Variants in TRIM22 observed in about 807,000 individuals in gnomAD.
The protein encoded by TRIM22 is tripartite motif containing 22, also known as E3 ubiquitin-protein ligase TRIM22.
Under a neutral mutation model 53.6 loss-of-function variants are expected in TRIM22, and 45 were observed. The observed-to-expected ratio is 0.84, with a 90% CI of 0.66 to 1.08. The LOEUF (loss-of-function observed/expected upper bound fraction) is 1.08, where lower values mean the gene tolerates loss of function less well. TRIM22 is among the 50% of genes least tolerant of loss of function. TRIM22 has a pLI of 0.00. For synonymous variants in TRIM22, 225 were observed against 216.6 expected (o/e 1.04, Z -0.34); for missense variants, 616 against 590.9 (o/e 1.04, Z -0.44).
At chr11:5,700,584 CT>C (rs756680023) in intron 4 of TRIM22, among the ~76,000 whole-genome samples, 538 of 29,922 alleles carry the variant, frequency 0.018, 3 homozygotes, top group African/African-American at 0.056. Context: ...CTATAGGAGT[CT>C]TTTTTTTTTT....
At chr11:5,700,478 C>G (rs540988350) in intron 4 of TRIM22, among the ~76,000 whole-genome samples, 10 of 150,608 alleles carry the variant, frequency 6.6e-5, no homozygotes, top group African/African-American at 2.2e-4. Flanking sequence ...ACTTCTAGTA[C>G]AATGTTCAAC....
At chr11:5,695,811 G>A (rs754123704) in intron 1 of TRIM22, among the ~76,000 whole-genome samples, 2 of 152,178 alleles carry the variant, frequency 1.3e-5, no homozygotes, top group Non-Finnish European at 2.9e-5. Context: ...AGGGGCAGGG[G>A]TGTGTTTAGT....
In TRIM22 at chr11:5,693,189, CTTTTTTT is replaced by C. The variant is rs55820335; in HGVS notation, c.-66-2964_-66-2958del. Among the ~76,000 whole-genome samples, 25 of 125,606 alleles carry C rather than the reference CTTTTTTT, an allele frequency of 2.0e-4. No homozygotes were observed. In the East Asian group the frequency reaches 6.1e-3, roughly 31 times the overall value. The allele number at this position is 125,606 out of a possible 152,430, so 82.4% of individuals were successfully genotyped here. ...GGCTTGAGCCACAGCGCCTGGCCAT[CTTTTTTT>C]TTTTTTTTTTTTTGATTTAAATTGC... On this transcript the variant is annotated intron_variant, in intron 1 of 7. Transcript: ENST00000379965.
rs1454797948 is a variant in TRIM22 at position 5,706,635 on chromosome 11, T to C, written c.773+19T>C. On this transcript the variant is annotated intron_variant, in intron 5 of 7. Transcript: ENST00000379965. ...TGAAAAGGTATATGTGGAAGAGAGA[T>C]GTGGTCTTATTTGTCTGAAAAGAGA... is the stretch of plus-strand genomic sequence containing the variant. 6.2e-7 allele frequency: 1 copy of C among 1,601,448 alleles called. No individual in the cohort carries two copies. The highest frequency in any genetic ancestry group is 8.5e-7 in the Non-Finnish European group (1 of 1,171,932).
intron 4 of TRIM22, among the ~76,000 whole-genome samples, chr11:5,701,286 C>T (rs552953906): frequency 1.8e-3 from 269 of 152,296 alleles, no homozygotes; most frequent in African/African-American, 6.3e-3. Context: ...TTAATAATTT[C>T]CTTCTCCAAC....
intron 7 of TRIM22, 113 bp downstream of exon 7, chr11:5,708,716 CTTTTTT>C: frequency 1.6e-6 from 1 of 606,752 alleles, no homozygotes; most frequent in Non-Finnish European, 2.5e-6. Flanking sequence ...CCATGTAGTT[CTTTTTT>C]TTTTTTTTTT....
At chr11:5,700,499 A>T (rs113355678) in intron 4 of TRIM22, among the ~76,000 whole-genome samples, 61 of 147,292 alleles carry the variant, frequency 4.1e-4, no homozygotes, top group African/African-American at 1.4e-3. Context: ...AGGGATGGTG[A>T]GAGGGGATAT....
intron 2 of TRIM22, 54 bp downstream of exon 2, chr11:5,696,709 G>C: frequency 6.5e-7 from 1 of 1,533,044 alleles, no homozygotes; most frequent in Non-Finnish European, 8.7e-7. Context: ...GGTACCTAAT[G>C]TGAAATCTCC....
rs370446835 is a variant in TRIM22 at position 5,696,516 on chromosome 11, A to C, written c.284A>C (p.Asp95Ala). ...KMSPQEGQKR[D>A]VCEHHGKKLQ... ...AGCCCACAGGAGGGGCAGAAGAGAG[A>C]TGTCTGTGAGCACCATGGAAAAAAA... The change falls in exon 2 of 8, where the codon GAT (aspartate) becomes GCT (alanine). Residue 95 changes from aspartate (D) to alanine (A), a missense_variant. By Grantham distance (126) the Asp-to-Ala change is moderately radical. Coordinates refer to ENST00000379965, the MANE Select transcript of TRIM22 (RefSeq NM_006074.5). 275 of 1,614,102 alleles carry C rather than the reference A, an allele frequency of 1.7e-4. No individual in the cohort carries two copies. Among genetic ancestry groups the C allele is most frequent in the Non-Finnish European group, 2.2e-4 (263 of 1,180,054 alleles).
At chr11:5,703,684 A>T (rs1436038260) in intron 4 of TRIM22, among the ~76,000 whole-genome samples, 2 of 70,588 alleles carry the variant, frequency 2.8e-5, no homozygotes, top group Non-Finnish European at 5.8e-5. Context: ...CGCGCCCGGA[A>T]ATTTTATTTT....
chr11:5,702,995 G>C (rs1343842026), intron 4 of TRIM22, among the ~76,000 whole-genome samples: 1 of 152,100 alleles, frequency 6.6e-6, no homozygotes, highest in East Asian at 1.9e-4. Context: ...TATATTCTTT[G>C]AGATCATTTA....
intron 4 of TRIM22, among the ~76,000 whole-genome samples, chr11:5,704,867 G>C (rs1853434996): frequency 6.6e-6 from 1 of 152,156 alleles, no homozygotes; most frequent in African/African-American, 2.4e-5. Flanking sequence ...TTCACAAACA[G>C]TTTGGTAATA....
At chr11:5,698,812 A>G (rs1231790212) in intron 4 of TRIM22, among the ~76,000 whole-genome samples, 1 of 152,206 alleles carries the variant, frequency 6.6e-6, no homozygotes, top group Admixed American at 6.5e-5. Flanking sequence ...CCATGAGCAT[A>G]TCAGTTTTAG....
rs1053821964 is a variant in TRIM22 at position 5,710,612 on chromosome 11, AT to A, written c.*967del. 1 of 152,198 alleles carries A rather than the reference AT, an allele frequency of 6.6e-6. No homozygotes were observed. Among genetic ancestry groups the A allele is most frequent in the African/African-American group, 2.4e-5 (1 of 41,444 alleles). The allele number at this position is 152,198 out of a possible 1,614,324, so 9.4% of individuals were successfully genotyped here. On this transcript the variant is annotated 3_prime_UTR_variant, in exon 8 of 8. Transcript: ENST00000379965. ...CTTACAAGCTCTATGATCTTAAATA[AT>A]TTACTTAATGTATTTTGGTGTATTT...
chr11:5,691,399 T>A (rs1853170544), intron 1 of TRIM22, among the ~76,000 whole-genome samples: 1 of 152,220 alleles, frequency 6.6e-6, no homozygotes, highest in African/African-American at 2.4e-5. Flanking sequence ...ATTTTCACAG[T>A]GCTTTTCTAT....
At chr11:5,692,427 A>C (rs1285378301) in intron 1 of TRIM22, among the ~76,000 whole-genome samples, 1 of 152,254 alleles carries the variant, frequency 6.6e-6, no homozygotes, top group Non-Finnish European at 1.5e-5. Context: ...AAAATGACTT[A>C]TCTGAAACAT....
At chr11:5,698,814 C>T (rs1853316313) in intron 4 of TRIM22, among the ~76,000 whole-genome samples, 1 of 152,158 alleles carries the variant, frequency 6.6e-6, no homozygotes, top group Non-Finnish European at 1.5e-5. Context: ...ATGAGCATAT[C>T]AGTTTTAGAA....
chr11:5,698,216 C>T lies in TRIM22; in HGVS notation c.520-99C>T, dbSNP rs1590314230. 39 of 957,990 alleles carry T rather than the reference C, an allele frequency of 4.1e-5. 2 individuals are homozygous for T. The South Asian group carries it at 5.5e-4, about 13-fold the overall frequency. The allele number at this position is 957,990 out of a possible 1,614,324, so 59.3% of individuals were successfully genotyped here. A position where few individuals can be genotyped will look rare whatever the true frequency, so the allele number is the denominator to read the frequency against. ...TTTTGCCTCCTATTCCTTTTGAGAA[C>T]TCCCTGAGGAAAACTGTTCTTATCC... On this transcript the variant is annotated intron_variant, in intron 3 of 7. Coordinates refer to ENST00000379965, the MANE Select transcript of TRIM22 (RefSeq NM_006074.5).
In TRIM22 at chr11:5,701,171, A is replaced by G. The variant is rs145450073; in HGVS notation, c.750+2626A>G. Among the ~76,000 whole-genome samples, 536 of 152,254 alleles carry G rather than the reference A, an allele frequency of 3.5e-3. 2 individuals carry two copies. Among genetic ancestry groups the G allele is most frequent in the Non-Finnish European group, 5.9e-3 (402 of 68,020 alleles). ...TACTGGTTTCTGGTTTTCCTTTCTC[A>G]TAATGTCTTTACTTGGCTCTGGATT... is the stretch of plus-strand genomic sequence containing the variant. On this transcript the variant is annotated intron_variant, in intron 4 of 7. Transcript: ENST00000379965.
Sources: allele counts gnomAD v4.1 joint callset (sites outside exome capture counted in the v4.1 genomes callset), GRCh38; gene constraint gnomAD v4.1.1; transcripts MANE v1.5; gene names NCBI Gene and HGNC (gene_info 2026-07-23, HGNC 2026-07-21).